PAX8: variants seen among roughly 807,000 people sequenced by gnomAD.
PAX8 encodes paired box 8.
Under a neutral mutation model 52.4 loss-of-function variants are expected in PAX8, and 15 were observed. That is an observed-to-expected ratio of 0.29 (90% CI 0.19 to 0.44). PAX8 has a LOEUF of 0.44. Among genes scored for constraint, PAX8 ranks in the 20% least tolerant of loss-of-function variants. The probability of loss-of-function intolerance (pLI) is 1.00; values close to 1 mark genes in which losing one functional copy is unlikely to be tolerated. For missense variants in PAX8, 554 were observed against 602.5 expected (o/e 0.92, Z 0.84); for synonymous variants, 284 against 249.7 (o/e 1.14, Z -1.29).
chr2:113,226,371 C>T (rs1358896569), intron 10 of PAX8: 3 of 985,540 alleles, frequency 3.0e-6, no homozygotes, highest in Non-Finnish European at 3.6e-6. Flanking sequence ...TATGTCTCAT[C>T]CATCCCAAAG....
chr2:113,235,816 G>C (rs1360464970), intron 8 of PAX8: 1 of 532,970 alleles, frequency 1.9e-6, no homozygotes, highest in East Asian at 3.2e-5. Flanking sequence ...CCCGGAAGGC[G>C]TGTGTGCGCC....
chr2:113,253,872 TC>T (rs1691984505), intron 2 of PAX8, among the ~76,000 whole-genome samples: 1 of 152,314 alleles, frequency 6.6e-6, no homozygotes, highest in Non-Finnish European at 1.5e-5. Context: ...TGGGGAGGTA[TC>T]ATAGATAAAT....
chr2:113,235,223 T>A (rs1340204627), intron 9 of PAX8, 171 bp downstream of exon 9: 1 of 609,924 alleles, frequency 1.6e-6, no homozygotes, highest in Non-Finnish European at 2.9e-6. Context: ...GAGCATGTCT[T>A]CCCCGTCACA....
At chr2:113,272,621 A>T (rs1223103623) in intron 2 of PAX8, 1 of 152,222 alleles carries the variant, frequency 6.6e-6, no homozygotes, top group Non-Finnish European at 1.5e-5. Context: ...TCAGGAGCCA[A>T]GAGACTCCTG....
At chr2:113,236,762 C>G (rs772210085) in intron 7 of PAX8, 41 bp from the exon 8 acceptor site, 43 of 1,541,724 alleles carry the variant, frequency 2.8e-5, no homozygotes, top group Admixed American at 9.8e-5. Flanking sequence ...GACGATCCAA[C>G]AAGCCGACCT....
At chr2:113,260,878 T>TGTGTGTG (rs1692618889) in intron 2 of PAX8, among the ~76,000 whole-genome samples, 1 of 148,116 alleles carries the variant, frequency 6.8e-6, no homozygotes, top group Non-Finnish European at 1.5e-5. Flanking sequence ...AGTGACTGTT[T>TGTGTGTG]TGTGTGTGTG....
intron 2 of PAX8, chr2:113,275,529 G>A (rs1356464875): frequency 2.0e-5 from 3 of 152,184 alleles, no homozygotes; most frequent in Non-Finnish European, 4.4e-5. Context: ...TAGAGACATC[G>A]TCCTCTGCCT....
intron 2 of PAX8, among the ~76,000 whole-genome samples, chr2:113,260,211 A>T (rs1032182607): frequency 3.3e-5 from 5 of 152,220 alleles, no homozygotes; most frequent in Non-Finnish European, 7.3e-5. Flanking sequence ...CTGACATATT[A>T]TAGAACCTTA....
chr2:113,260,798 G>A (rs1304663477), intron 2 of PAX8, among the ~76,000 whole-genome samples: 2 of 152,138 alleles, frequency 1.3e-5, no homozygotes, highest in East Asian at 3.9e-4. Context: ...GGCTTGACTA[G>A]CTCATGGAGG....
At chr2:113,244,690 G>T in intron 3 of PAX8, 66 bp from the exon 4 acceptor site, 1 of 1,446,342 alleles carries the variant, frequency 6.9e-7, no homozygotes, top group Non-Finnish European at 9.7e-7. Context: ...CAGGGATTTA[G>T]CCAGAGCCTC....
intron 2 of PAX8, among the ~76,000 whole-genome samples, chr2:113,255,218 G>C (rs190452800): frequency 0.063 from 2,383 of 37,632 alleles, 73 homozygotes; most frequent in Admixed American, 0.11. Context: ...GAAGGAGGGA[G>C]GGGAGGAGGG....
At chr2:113,226,089 TCTCC>T (rs1200211451) in intron 10 of PAX8, 1 of 985,316 alleles carries the variant, frequency 1.0e-6, no homozygotes, top group Non-Finnish European at 1.2e-6. Flanking sequence ...ACAGAGCATT[TCTCC>T]CTCCCTCTTT....
chr2:113,227,097 A>G, intron 10 of PAX8, 58 bp downstream of exon 10: 3 of 1,541,030 alleles, frequency 1.9e-6, no homozygotes, highest in Non-Finnish European at 2.6e-6. Flanking sequence ...CTTGTGTCCC[A>G]CCTTGCTCCA....
chr2:113,252,944 A>T (rs1230171649), intron 2 of PAX8, among the ~76,000 whole-genome samples: 1 of 152,198 alleles, frequency 6.6e-6, no homozygotes, highest in Non-Finnish European at 1.5e-5. Context: ...ATTGTTTTCA[A>T]CTAAATTTCT....
Position 113,264,588 on chromosome 2 carries a change from T to G in PAX8, c.25+13782A>C, listed in dbSNP as rs116173820. On this transcript the variant is annotated intron_variant, in intron 2 of 11. Coordinates refer to ENST00000429538, the MANE Select transcript of PAX8 (RefSeq NM_003466.4). ...GAGTCCTCACTCCTTATGTAGGATT[T>G]TGTGTAAGGTGCTGGGGATAGAGAG... Among the ~76,000 whole-genome samples, 502 of 152,260 alleles carry G rather than the reference T, an allele frequency of 3.3e-3. 2 individuals are homozygous for G. Among genetic ancestry groups the G allele is most frequent in the African/African-American group, 0.012 (482 of 41,548 alleles).
chr2:113,266,642 A>G (rs887402975), intron 2 of PAX8: 1 of 152,204 alleles, frequency 6.6e-6, no homozygotes, highest in African/African-American at 2.4e-5. Context: ...TTGTCAGCAC[A>G]TGGGGCACCC....
At position 113,254,997 on chromosome 2, in the gene PAX8, T is replaced by C. The variant is rs1692092161; in HGVS notation, c.26-8078A>G. On this transcript the variant is annotated intron_variant, in intron 2 of 11. Transcript: ENST00000429538. Reference sequence around the variant, plus strand: ...TAAGCAGAATATAAGTGCCTGTTGGTTATTGAAAGGAAAGAACAAAGGAAA... The same window carrying C: ...TAAGCAGAATATAAGTGCCTGTTGGCTATTGAAAGGAAAGAACAAAGGAAA... Among the ~76,000 whole-genome samples the C allele has an allele frequency of 2.0e-5, 3 of 149,608 alleles. No individual in the cohort carries two copies. The South Asian group carries it at 6.3e-4, about 31-fold the overall frequency.
intron 2 of PAX8, among the ~76,000 whole-genome samples, chr2:113,260,331 G>A (rs1450845751): frequency 1.3e-5 from 2 of 152,202 alleles, no homozygotes; most frequent in African/African-American, 4.8e-5. Context: ...ATGTGTGTAT[G>A]AATGAGTGGG....
rs869310446 is a variant in PAX8, at chr2:113,224,816, TAAA to T, written c.1189+2336_1189+2338del. Among the ~76,000 whole-genome samples the T allele has an allele frequency of 3.8e-3, 542 of 140,858 alleles. 1 individual carries two copies. Among genetic ancestry groups the T allele is most frequent in the African/African-American group, 9.5e-3 (354 of 37,310 alleles). 92.4% of individuals were successfully genotyped at this position (140,858 alleles called of 152,430 possible). A position where few individuals can be genotyped will look rare whatever the true frequency, so the allele number is the denominator to read the frequency against. ...AAAAATAAAATAAAATAAAATAAAA[TAAA>T]AAAATAAAATAAAATAAAATATAAA... On this transcript the variant is annotated intron_variant, in intron 10 of 11. Transcript: ENST00000429538.
Sources: allele counts gnomAD v4.1 joint callset (sites outside exome capture counted in the v4.1 genomes callset), GRCh38; gene constraint gnomAD v4.1.1; transcripts MANE v1.5; gene names NCBI Gene and HGNC (gene_info 2026-07-23, HGNC 2026-07-21).